Variants in PRKD3 observed in about 807,000 individuals in gnomAD.
PRKD3 encodes protein kinase D3.
PRKD3 carries 47 observed loss-of-function variants against 99.2 expected under a neutral mutation model. The observed-to-expected ratio is 0.47, with a 90% CI of 0.38 to 0.60. PRKD3 has a LOEUF of 0.60. Ranked by LOEUF, PRKD3 falls within the 20% of genes least tolerant of loss-of-function variation. The probability of loss-of-function intolerance (pLI) is 0.00; values close to 1 mark genes in which losing one functional copy is unlikely to be tolerated. For synonymous variants in PRKD3, 392 were observed against 355.4 expected, an observed-to-expected ratio of 1.10 and a Z score of -1.16; for missense variants, 1,019 against 1,088.4, an observed-to-expected ratio of 0.94 and a Z score of 0.90.
intron 14 of PRKD3, among the ~76,000 whole-genome samples, chr2:37,263,261 CTT>C (rs984426168): frequency 8.5e-5 from 13 of 152,110 alleles, no homozygotes; most frequent in African/African-American, 3.1e-4. Flanking sequence ...TGATTTCGCT[CTT>C]TGATTCAAAA....
At chr2:37,262,005 A>G (rs890803188) in intron 14 of PRKD3, among the ~76,000 whole-genome samples, 4 of 152,210 alleles carry the variant, frequency 2.6e-5, no homozygotes, top group Admixed American at 6.5e-5. Context: ...ACTGTAGGCT[A>G]ATGTAAGCGA....
At chr2:37,305,035 A>C (rs747411842) in intron 2 of PRKD3, among the ~76,000 whole-genome samples, 49 of 152,186 alleles carry the variant, frequency 3.2e-4, no homozygotes, top group Non-Finnish European at 8.8e-5. Flanking sequence ...AGACAAAAAA[A>C]GTAGGGGTAG....
chr2:37,289,820 G>T (rs1234633602), intron 4 of PRKD3, among the ~76,000 whole-genome samples: 1 of 152,112 alleles, frequency 6.6e-6, no homozygotes, highest in Non-Finnish European at 1.5e-5. Flanking sequence ...AGAAACTACG[G>T]GGATGAGGCC....
chr2:37,300,721 G>C (rs1323248460), intron 2 of PRKD3, among the ~76,000 whole-genome samples: 1 of 152,158 alleles, frequency 6.6e-6, no homozygotes, highest in Non-Finnish European at 1.5e-5. Flanking sequence ...ATACACCTTA[G>C]CTATTCCAAT....
At chr2:37,270,494 C>CT (rs775949770) in intron 12 of PRKD3, among the ~76,000 whole-genome samples, 5 of 151,240 alleles carry the variant, frequency 3.3e-5, no homozygotes, top group Admixed American at 2.0e-4. Flanking sequence ...GCCCCCTTCC[C>CT]TTTTTTTTTC....
intron 2 of PRKD3, among the ~76,000 whole-genome samples, chr2:37,314,020 C>T (rs574425383): frequency 5.1e-4 from 77 of 151,772 alleles, no homozygotes; most frequent in South Asian, 6.3e-4. Context: ...AATAAGAGAG[C>T]GCCAAAAAAT....
chr2:37,264,136 T>A (rs1349118394), intron 14 of PRKD3, among the ~76,000 whole-genome samples: 2 of 152,256 alleles, frequency 1.3e-5, no homozygotes, highest in Non-Finnish European at 2.9e-5. Context: ...CTCTACAACA[T>A]CCTCCCTAGA....
In PRKD3 at chr2:37,256,646, T is replaced by TC. The variant is rs1460029582; in HGVS notation, c.2413+15_2413+16insG. 1 of 1,404,406 alleles carries TC rather than the reference T, an allele frequency of 7.1e-7. No homozygotes were observed. The highest frequency in any genetic ancestry group is 3.0e-5 in the Admixed American group (1 of 33,878). The allele number at this position is 1,404,406 out of a possible 1,614,324, so 87.0% of individuals were successfully genotyped here. A position where few individuals can be genotyped will look rare whatever the true frequency, so the allele number is the denominator to read the frequency against. On this transcript the variant is annotated intron_variant, in intron 17 of 18. Coordinates refer to ENST00000234179, the MANE Select transcript of PRKD3 (RefSeq NM_005813.6). ...AGCCAAAATTTTTTTTTTTTTTTTT[T>TC]TTTTTTTTTTTTTACCTTCACCAGA...
intron 11 of PRKD3, 26 bp downstream of exon 11, chr2:37,274,395 A>G: frequency 6.2e-7 from 1 of 1,611,222 alleles, no homozygotes; most frequent in Non-Finnish European, 8.5e-7. Context: ...AGAGGAGAAA[A>G]AGCCATCAAG....
intron 2 of PRKD3, among the ~76,000 whole-genome samples, chr2:37,312,079 T>C (rs532858404): frequency 2.0e-5 from 3 of 152,298 alleles, no homozygotes; most frequent in East Asian, 1.9e-4. Flanking sequence ...TCCATAAATA[T>C]GACAAAACAA....
At chr2:37,316,106 A>G in intron 2 of PRKD3, 131 bp downstream of exon 2, 1 of 945,376 alleles carries the variant, frequency 1.1e-6, no homozygotes, top group Non-Finnish European at 1.6e-6. Flanking sequence ...AGAGGTCATT[A>G]GAACTCTTCC....
intron 2 of PRKD3, among the ~76,000 whole-genome samples, chr2:37,308,057 T>G (rs1671240483): frequency 6.6e-6 from 1 of 152,238 alleles, no homozygotes; most frequent in Admixed American, 6.5e-5. Flanking sequence ...AACTATATTT[T>G]AAAACTGTTT....
intron 1 of PRKD3, among the ~76,000 whole-genome samples, chr2:37,320,423 CTT>C (rs35158902): frequency 0.042 from 3,246 of 78,136 alleles, 54 homozygotes; most frequent in Middle Eastern, 0.073. Context: ...AAGTTAACGA[CTT>C]TTTTTTTTTT....
intron 2 of PRKD3, among the ~76,000 whole-genome samples, chr2:37,294,755 A>G (rs1670600277): frequency 6.6e-6 from 1 of 152,208 alleles, no homozygotes; most frequent in Non-Finnish European, 1.5e-5. Context: ...ATTTGTAAGG[A>G]CAAAGGACTC....
At chr2:37,322,598 G>A (rs1671932522) in intron 1 of PRKD3, among the ~76,000 whole-genome samples, 1 of 152,224 alleles carries the variant, frequency 6.6e-6, no homozygotes, top group Non-Finnish European at 1.5e-5. Flanking sequence ...TGCACCAGTA[G>A]TAGCTAAGAA....
intron 14 of PRKD3, among the ~76,000 whole-genome samples, chr2:37,263,773 T>C (rs1009669010): frequency 1.3e-5 from 2 of 152,318 alleles, no homozygotes; most frequent in Middle Eastern, 3.4e-3. Context: ...TGAAGAGACA[T>C]GCACCTCTGC....
intron 2 of PRKD3, among the ~76,000 whole-genome samples, chr2:37,308,225 T>G (rs1448214415): frequency 6.6e-6 from 1 of 152,236 alleles, no homozygotes; most frequent in African/African-American, 2.4e-5. Context: ...CGTAACATTT[T>G]CCCAATCTTG....
intron 2 of PRKD3, among the ~76,000 whole-genome samples, chr2:37,307,171 G>T (rs1247143599): frequency 9.2e-5 from 14 of 151,966 alleles, no homozygotes; most frequent in Non-Finnish European, 2.1e-4. Flanking sequence ...GTTCCCAGGG[G>T]GTCAAAATCT....
In PRKD3 at chr2:37,264,416, T is replaced by C. The variant is rs1236449893; in HGVS notation, c.1884+3014A>G. ...TGCCTTGTCTCGCAGAGCTTATAAA[T>C]TGCAGCAAGGTGAGACAGACAATGG... is the stretch of plus-strand genomic sequence containing the variant. On this transcript the variant is annotated intron_variant, in intron 14 of 18. Coordinates refer to ENST00000234179, the MANE Select transcript of PRKD3 (RefSeq NM_005813.6). 5.3e-5 allele frequency among the ~76,000 whole-genome samples: 8 copies of C among 151,968 alleles called. No individual in the cohort carries two copies. The South Asian group carries it at 8.3e-4, about 16-fold the overall frequency.
Sources: gnomAD v4.1 joint callset for allele counts (sites outside exome capture counted in the v4.1 genomes callset) on GRCh38, gnomAD v4.1.1 for gene constraint, MANE v1.5 for transcripts, NCBI Gene and HGNC (gene_info 2026-07-23, HGNC 2026-07-21) for gene names.